HORMAD2: variants seen among roughly 807,000 people sequenced by gnomAD.
HORMAD2 encodes the protein HORMA domain-containing protein 2.
HORMAD2 carries 45 observed loss-of-function variants against 38.8 expected under a neutral mutation model. That is an observed-to-expected ratio of 1.16 (90% CI 0.91 to 1.49). The LOEUF (loss-of-function observed/expected upper bound fraction) is 1.49. Among genes scored for constraint, HORMAD2 ranks in the 40% most tolerant of loss-of-function variants. The probability of loss-of-function intolerance (pLI) is 0.00; values close to 1 mark genes in which losing one functional copy is unlikely to be tolerated. For synonymous variants in HORMAD2, 126 were observed against 122.8 expected, an observed-to-expected ratio of 1.03 and a Z score of -0.17; for missense variants, 338 against 367.0, an observed-to-expected ratio of 0.92 and a Z score of 0.65.
At chr22:30,189,045 A>T in the HORMAD2 span, among the ~76,000 whole-genome samples, 3 of 151,706 alleles carry the variant, frequency 2.0e-5, no homozygotes, top group Admixed American at 6.6e-5. Flanking sequence ...TGAGTCCAGG[A>T]GGTCAAGGCT....
chr22:30,174,127 G>C (rs1463583529), intron 10 of HORMAD2, among the ~76,000 whole-genome samples: 1 of 152,138 alleles, frequency 6.6e-6, no homozygotes, highest in Admixed American at 6.5e-5. Context: ...CGTCTTGTTA[G>C]TCTGCATCAA....
At chr22:30,090,711 A>C (rs1233259404) in intron 1 of HORMAD2, among the ~76,000 whole-genome samples, 1 of 152,184 alleles carries the variant, frequency 6.6e-6, no homozygotes, top group Non-Finnish European at 1.5e-5. Flanking sequence ...ACTATTTTCC[A>C]TTTTTGAATA....
the HORMAD2 span, among the ~76,000 whole-genome samples, chr22:30,189,635 G>A: frequency 6.6e-6 from 1 of 152,060 alleles, no homozygotes; most frequent in Admixed American, 6.5e-5. Context: ...GTGTACCATG[G>A]CCTTGCTCCC....
chr22:30,078,926 C>A (rs117137381), upstream of HORMAD2, among the ~76,000 whole-genome samples: 1 of 151,146 alleles, frequency 6.6e-6, no homozygotes, highest in Admixed American at 6.6e-5. Context: ...ATAGGGTGAA[C>A]GCAGTAGTTC....
intron 10 of HORMAD2, among the ~76,000 whole-genome samples, chr22:30,126,289 C>T (rs1024084135): frequency 6.6e-6 from 1 of 152,098 alleles, no homozygotes; most frequent in Admixed American, 6.5e-5. Context: ...CTGTCTCAGC[C>T]TCTCAAGTAG....
chr22:30,121,959 C>T lies in HORMAD2; in HGVS notation c.569-5C>T, dbSNP rs374167647. 457 of 1,606,500 alleles carry T rather than the reference C, an allele frequency of 2.8e-4. 1 individual carries two copies. Among genetic ancestry groups the T allele is most frequent in the Non-Finnish European group, 3.3e-4 (393 of 1,176,286 alleles). On this transcript the variant is annotated splice_polypyrimidine_tract_variant and splice_region_variant and intron_variant, in intron 9 of 10. Coordinates refer to ENST00000336726, the MANE Select transcript of HORMAD2 (RefSeq NM_152510.4). The stretch of plus-strand genomic sequence containing the variant: ...TCATGGCTTTTTGCCCTTTTCATTT[C>T]GCAGTGACCCCACATGATTACCAAC...
chr22:30,100,598 A>G (rs1920936076), intron 3 of HORMAD2, among the ~76,000 whole-genome samples: 1 of 152,222 alleles, frequency 6.6e-6, no homozygotes, highest in Non-Finnish European at 1.5e-5. Context: ...AACTAATTAA[A>G]CCAAAGAGCT....
At chr22:30,171,286 G>A (rs1489199270) in intron 10 of HORMAD2, among the ~76,000 whole-genome samples, 3 of 152,238 alleles carry the variant, frequency 2.0e-5, no homozygotes, top group South Asian at 2.1e-4. Context: ...TCCACAGATA[G>A]CCACTGATTC....
the HORMAD2 span, among the ~76,000 whole-genome samples, chr22:30,185,877 A>G: frequency 6.6e-6 from 1 of 152,138 alleles, no homozygotes; most frequent in Non-Finnish European, 1.5e-5. Context: ...AAAAAAAATA[A>G]AAAGAGCTTT....
chr22:30,150,495 C>T (rs1006398837), intron 10 of HORMAD2, among the ~76,000 whole-genome samples: 3 of 152,106 alleles, frequency 2.0e-5, no homozygotes, highest in Non-Finnish European at 4.4e-5. Flanking sequence ...TCCTCTTCCC[C>T]CACCCACCTC....
chr22:30,192,958 A>G, the HORMAD2 span, among the ~76,000 whole-genome samples: 1 of 152,216 alleles, frequency 6.6e-6, no homozygotes, highest in Non-Finnish European at 1.5e-5. Context: ...GGAAACATAC[A>G]GGCACACAGG....
intron 10 of HORMAD2, among the ~76,000 whole-genome samples, chr22:30,155,088 AAAAAG>A (rs1392252525): frequency 2.6e-5 from 4 of 151,748 alleles, no homozygotes; most frequent in Non-Finnish European, 5.9e-5. Flanking sequence ...AAAAAAAAAA[AAAAAG>A]AAAGAAAGAA....
At chr22:30,156,090 G>A (rs1925055728) in intron 10 of HORMAD2, among the ~76,000 whole-genome samples, 1 of 152,056 alleles carries the variant, frequency 6.6e-6, no homozygotes, top group Non-Finnish European at 1.5e-5. Context: ...ACTCCATTTG[G>A]CACTGACTCC....
At chr22:30,105,202 G>A (rs1030225493) in intron 5 of HORMAD2, 1 of 161,740 alleles carries the variant, frequency 6.2e-6, no homozygotes, top group Admixed American at 6.4e-5. Context: ...TGAACTTGAA[G>A]GCCCTTTTGT....
Position 30,177,050 on chromosome 22 carries a change from T to C in HORMAD2, c.*883T>C, listed in dbSNP as rs1347988438. On this transcript the variant is annotated 3_prime_UTR_variant, in exon 11 of 11. Coordinates refer to ENST00000336726, the MANE Select transcript of HORMAD2 (RefSeq NM_152510.4). The stretch of plus-strand genomic sequence containing the variant: ...AGTTAAATATTAAGTGTGTGACTTA[T>C]GGTTAAATAAAATGAAAATACAAGA... The C allele has an allele frequency of 6.5e-6, 1 of 152,708 alleles. No individual in the cohort carries two copies. Among genetic ancestry groups the C allele is most frequent in the African/African-American group, 2.4e-5 (1 of 41,430 alleles). The allele number at this position is 152,708 out of a possible 1,614,324, so 9.5% of individuals were successfully genotyped here.
intron 2 of HORMAD2, among the ~76,000 whole-genome samples, chr22:30,096,534 C>G (rs2068786094): frequency 6.6e-6 from 1 of 151,662 alleles, no homozygotes; most frequent in Admixed American, 6.6e-5. Flanking sequence ...GTGGTGCAAC[C>G]TTGGCTCACT....
chr22:30,092,123 C>T (rs1233391498), intron 1 of HORMAD2, among the ~76,000 whole-genome samples: 1 of 151,360 alleles, frequency 6.6e-6, no homozygotes, highest in Non-Finnish European at 1.5e-5. Flanking sequence ...TCAGGTGATC[C>T]ACCCACCTTG....
chr22:30,186,943 C>T, the HORMAD2 span, among the ~76,000 whole-genome samples: 4 of 152,072 alleles, frequency 2.6e-5, no homozygotes, highest in Non-Finnish European at 4.4e-5. Flanking sequence ...TGGGAAATCC[C>T]TGCATTTTGT....
At chr22:30,189,063 G>A in the HORMAD2 span, among the ~76,000 whole-genome samples, 4 of 151,204 alleles carry the variant, frequency 2.6e-5, no homozygotes. Flanking sequence ...GCTTCAGTGA[G>A]CTGTGATCAT....
Sources: allele counts gnomAD v4.1 joint callset (sites outside exome capture counted in the v4.1 genomes callset), GRCh38; gene constraint gnomAD v4.1.1; transcripts MANE v1.5; gene names NCBI Gene and HGNC (gene_info 2026-07-23, HGNC 2026-07-21).